CTNNA3: variants seen among roughly 807,000 people sequenced by gnomAD.
CTNNA3 encodes catenin alpha 3.
In CTNNA3, 76 loss-of-function variants were observed where a neutral mutation model predicts 95.7. That is an observed-to-expected ratio of 0.79 (90% CI 0.66 to 0.96). The LOEUF is 0.96. CTNNA3 is among the 40% of genes least tolerant of loss of function. The pLI is 0.00. For synonymous variants in CTNNA3, 431 were observed against 374.4 expected (o/e 1.15, Z -1.74); for missense variants, 1,191 against 1,089.8 (o/e 1.09, Z -1.31).
chr10:66,978,552 A>AAAAAAATATATAT, intron 7 of CTNNA3, among the ~76,000 whole-genome samples: 30 of 37,880 alleles, frequency 7.9e-4, no homozygotes, highest in Admixed American at 1.5e-3. Flanking sequence ...AAAAAAAAAA[A>AAAAAAATATATAT]ATATATATAT....
chr10:66,478,616 C>A (rs1286664532), intron 11 of CTNNA3, among the ~76,000 whole-genome samples: 1 of 151,510 alleles, frequency 6.6e-6, no homozygotes, highest in Non-Finnish European at 1.5e-5. Flanking sequence ...TGCTTTTAAT[C>A]CTTTAGATCA....
At chr10:66,669,032 C>G (rs1436821478) in intron 9 of CTNNA3, among the ~76,000 whole-genome samples, 1 of 151,788 alleles carries the variant, frequency 6.6e-6, no homozygotes, top group Non-Finnish European at 1.5e-5. Flanking sequence ...TATATATGTT[C>G]CAATATTCTA....
intron 7 of CTNNA3, among the ~76,000 whole-genome samples, chr10:66,876,254 T>C (rs1429084562): frequency 6.6e-6 from 1 of 152,112 alleles, no homozygotes; most frequent in Non-Finnish European, 1.5e-5. Flanking sequence ...AACAAACTAG[T>C]TAAACAGAAA....
intron 7 of CTNNA3, among the ~76,000 whole-genome samples, chr10:67,162,602 A>T (rs1861598264): frequency 6.6e-6 from 1 of 151,974 alleles, no homozygotes; most frequent in African/African-American, 2.4e-5. Flanking sequence ...CTATCTCAAA[A>T]ATCTAGAAAG....
intron 7 of CTNNA3, among the ~76,000 whole-genome samples, chr10:66,857,388 A>AT (rs1564727455): frequency 0.011 from 1,042 of 96,174 alleles, 13 homozygotes; most frequent in African/African-American, 0.044. Flanking sequence ...TATTTGGACT[A>AT]ATTTTTTTTT....
At chr10:67,065,414 T>TAC (rs1477430048) in intron 7 of CTNNA3, among the ~76,000 whole-genome samples, 1 of 152,166 alleles carries the variant, frequency 6.6e-6, no homozygotes, top group Non-Finnish European at 1.5e-5. Context: ...CTCAACCCTT[T>TAC]ACATAAATTA....
intron 7 of CTNNA3, among the ~76,000 whole-genome samples, chr10:66,806,758 G>GTA (rs1375016990): frequency 1.9e-4 from 2 of 10,692 alleles, no homozygotes; most frequent in Non-Finnish European, 3.4e-4. Flanking sequence ...TGGCATATAT[G>GTA]TGTGTGTGTG....
chr10:65,930,630 TTC>T (rs1273090579), intron 17 of CTNNA3, among the ~76,000 whole-genome samples: 1 of 152,198 alleles, frequency 6.6e-6, no homozygotes, highest in Non-Finnish European at 1.5e-5. Context: ...ATTTTTTTAT[TTC>T]TGTGATTATA....
chr10:66,297,553 T>A (rs1451040814), intron 12 of CTNNA3, among the ~76,000 whole-genome samples: 1 of 152,190 alleles, frequency 6.6e-6, no homozygotes, highest in East Asian at 1.9e-4. Context: ...GCAATATCTC[T>A]TCCTCGTGTC....
rs529872562 is a variant in CTNNA3, at chr10:67,265,867, T to A, written c.580-45997A>T. Among the ~76,000 whole-genome samples, 371 of 152,242 alleles carry A rather than the reference T, an allele frequency of 2.4e-3. 1 individual carries two copies. Among genetic ancestry groups the A allele is most frequent in the Middle Eastern group, 0.01 (3 of 294 alleles). ...AACTGACCTGCCGCAGAGAAAAATA[T>A]CTTTATTCTCAGCTTGAGGTTCTCC... is the stretch of plus-strand genomic sequence containing the variant. On this transcript the variant is annotated intron_variant, in intron 5 of 17. Coordinates refer to ENST00000433211, the MANE Select transcript of CTNNA3 (RefSeq NM_013266.4).
chr10:66,883,285 A>C (rs1844915757), intron 7 of CTNNA3, among the ~76,000 whole-genome samples: 1 of 152,122 alleles, frequency 6.6e-6, no homozygotes, highest in Non-Finnish European at 1.5e-5. Context: ...ACTAAGATGT[A>C]CTGAAGCCTC....
intron 7 of CTNNA3, among the ~76,000 whole-genome samples, chr10:66,986,146 C>T (rs561022756): frequency 6.6e-6 from 1 of 152,092 alleles, no homozygotes; most frequent in Admixed American, 6.6e-5. Context: ...ATCAGTATGT[C>T]CCAGAGATTA....
At chr10:67,524,070 A>C (rs953331303) in intron 4 of CTNNA3, among the ~76,000 whole-genome samples, 6 of 152,188 alleles carry the variant, frequency 3.9e-5, no homozygotes, top group Non-Finnish European at 8.8e-5. Context: ...AACATTATAC[A>C]ACTCCAAATG....
chr10:67,016,728 T>C (rs755375081), intron 7 of CTNNA3, among the ~76,000 whole-genome samples: 3 of 152,224 alleles, frequency 2.0e-5, no homozygotes, highest in Non-Finnish European at 4.4e-5. Context: ...CAATATTTAA[T>C]ATATGGACTT....
At chr10:67,577,811 TA>T (rs1842221577) in intron 3 of CTNNA3, among the ~76,000 whole-genome samples, 1 of 151,808 alleles carries the variant, frequency 6.6e-6, no homozygotes, top group Admixed American at 6.6e-5. Context: ...AGTGCTGCAA[TA>T]AACATACAAG....
chr10:66,242,732 A>T (rs907369462), intron 13 of CTNNA3, among the ~76,000 whole-genome samples: 4 of 152,182 alleles, frequency 2.6e-5, no homozygotes, highest in Non-Finnish European at 1.5e-5. Context: ...AATTAAGCAT[A>T]TATTTAGCCC....
At chr10:66,700,315 G>T (rs921667289) in intron 9 of CTNNA3, among the ~76,000 whole-genome samples, 1 of 152,054 alleles carries the variant, frequency 6.6e-6, no homozygotes, top group Non-Finnish European at 1.5e-5. Flanking sequence ...TTTATATATG[G>T]TGTAGATAAG....
chr10:66,728,348 A>G (rs913682218), intron 9 of CTNNA3, among the ~76,000 whole-genome samples: 3 of 152,192 alleles, frequency 2.0e-5, no homozygotes, highest in African/African-American at 7.2e-5. Flanking sequence ...TCAGATGGAT[A>G]GATTGTAAAA....
At chr10:66,016,929 T>C (rs1275210377) in intron 15 of CTNNA3, among the ~76,000 whole-genome samples, 1 of 152,168 alleles carries the variant, frequency 6.6e-6, no homozygotes, top group African/African-American at 2.4e-5. Context: ...CCTCTAACCT[T>C]TACCAGAATA....
Sources: allele counts gnomAD v4.1 joint callset (sites outside exome capture counted in the v4.1 genomes callset), GRCh38; gene constraint gnomAD v4.1.1; transcripts MANE v1.5; gene names NCBI Gene and HGNC (gene_info 2026-07-23, HGNC 2026-07-21).